The following UNC13C variants were observed in gnomAD, a reference collection of about 807,000 sequenced individuals.
UNC13C encodes protein unc-13 homolog C.
In UNC13C, 174 loss-of-function variants were observed where a neutral mutation model predicts 245.4. The ratio of observed to expected loss-of-function variants is 0.71; its 90% CI spans 0.63 to 0.80. The LOEUF (loss-of-function observed/expected upper bound fraction) is 0.80, where lower values mean the gene tolerates loss of function less well. Ranked by LOEUF, UNC13C falls within the 30% of genes least tolerant of loss-of-function variation. UNC13C has a pLI of 0.00. For missense variants in UNC13C, 2,829 were observed against 2,602.9 expected (o/e 1.09, Z -1.89); for synonymous variants, 992 against 895.1 (o/e 1.11, Z -1.93).
chr15:54,630,833 A>T (rs1158269675), downstream of UNC13C: 1 of 152,096 alleles, frequency 6.6e-6, no homozygotes, highest in African/African-American at 2.4e-5. Context: ...TAAATAATAT[A>T]TATTTAAAAG....
chr15:53,888,375 T>C, the UNC13C span, among the ~76,000 whole-genome samples: 2 of 152,374 alleles, frequency 1.3e-5, no homozygotes, highest in East Asian at 3.9e-4. Flanking sequence ...TCTGTTCATA[T>C]GCTTTGCCCA....
chr15:54,260,696 T>C (rs2036401200), intron 8 of UNC13C, among the ~76,000 whole-genome samples: 2 of 147,364 alleles, frequency 1.4e-5, no homozygotes, highest in Admixed American at 6.8e-5. Flanking sequence ...AAAGAAGTTA[T>C]ATATAGTCAT....
chr15:54,417,512 A>G (rs566281356), intron 19 of UNC13C, among the ~76,000 whole-genome samples: 1 of 152,160 alleles, frequency 6.6e-6, no homozygotes, highest in African/African-American at 2.4e-5. Flanking sequence ...TTTAAAACTT[A>G]CTCTAAATCT....
chr15:53,896,326 G>T, the UNC13C span, among the ~76,000 whole-genome samples: 866 of 152,198 alleles, frequency 5.7e-3, 51 homozygotes, highest in East Asian at 0.13. Flanking sequence ...ATAATGAATT[G>T]TGCCACAGTC....
chr15:54,628,546 T>C lies in UNC13C; in HGVS notation c.*1433T>C, dbSNP rs1306386918. 2 of 152,616 alleles carry C rather than the reference T, an allele frequency of 1.3e-5. No individual in the cohort carries two copies. The highest frequency in any genetic ancestry group is 2.9e-5 in the Non-Finnish European group (2 of 68,032). 9.5% of individuals were successfully genotyped at this position (152,616 alleles called of 1,614,324 possible). A position where few individuals can be genotyped will look rare whatever the true frequency, so the allele number is the denominator to read the frequency against. On this transcript the variant is annotated 3_prime_UTR_variant, in exon 33 of 33. Coordinates refer to ENST00000260323, the MANE Select transcript of UNC13C (RefSeq NM_001080534.3). ...TTTGTTAATGACTCCTCTAAATGCA[T>C]AGTGTGATGCGATCCTCTGGCATAT...
At chr15:54,050,484 A>G (rs927590830) in intron 2 of UNC13C, 3 of 541,052 alleles carry the variant, frequency 5.5e-6, no homozygotes, top group Non-Finnish European at 1.1e-5. Flanking sequence ...TCTTTGACCA[A>G]ATTTTTATTT....
At chr15:53,983,715 A>C (rs1894016067) in intron 1 of UNC13C, among the ~76,000 whole-genome samples, 1 of 150,616 alleles carries the variant, frequency 6.6e-6, no homozygotes, top group African/African-American at 2.4e-5. Context: ...CTCTCTTTCT[A>C]CTTTTTGTCT....
chr15:54,232,132 T>C (rs1176462010), intron 4 of UNC13C, among the ~76,000 whole-genome samples: 3 of 152,126 alleles, frequency 2.0e-5, no homozygotes. Context: ...TATTATTACT[T>C]GATGGATAGG....
In UNC13C at chr15:54,546,766, G is replaced by A. The variant is rs1399899124; in HGVS notation, c.5741G>A (p.Arg1914Gln). The part of the protein sequence containing the change: ...AKICEKTVLK[R>Q]VLKELWKLVL... Reference sequence around the variant, plus strand: ...ATCTGTGAGAAAACAGTCCTAAAGCGAGTTTTAAAAGAGTTATGGAAGCTA... The same window carrying A: ...ATCTGTGAGAAAACAGTCCTAAAGCAAGTTTTAAAAGAGTTATGGAAGCTA... Residue 1914 changes from arginine to glutamine, a missense_variant, in exon 27 of 33, where the codon CGA (arginine) becomes CAA (glutamine). Coordinates refer to ENST00000260323, the MANE Select transcript of UNC13C (RefSeq NM_001080534.3). 11 of 1,550,776 alleles carry A rather than the reference G, an allele frequency of 7.1e-6. No homozygotes were observed. The highest frequency in any genetic ancestry group is 1.7e-4 in the Middle Eastern group (1 of 5,944).
At chr15:54,165,491 C>G (rs1301117179) in intron 4 of UNC13C, among the ~76,000 whole-genome samples, 1 of 152,086 alleles carries the variant, frequency 6.6e-6, no homozygotes, top group Non-Finnish European at 1.5e-5. Context: ...TAAGGCCACA[C>G]AGTGAGTAAA....
At chr15:54,621,789 C>G (rs1253430138) in intron 30 of UNC13C, among the ~76,000 whole-genome samples, 1 of 152,124 alleles carries the variant, frequency 6.6e-6, no homozygotes, top group South Asian at 2.1e-4. Flanking sequence ...AGTTTAACCC[C>G]TGACTAATCT....
intron 26 of UNC13C, among the ~76,000 whole-genome samples, chr15:54,544,427 G>C (rs1008580174): frequency 6.6e-6 from 1 of 152,118 alleles, no homozygotes; most frequent in Admixed American, 6.5e-5. Context: ...GTTTAACATA[G>C]TATTGGAAGT....
chr15:54,489,051 T>G (rs1445777275), intron 19 of UNC13C, among the ~76,000 whole-genome samples: 3 of 152,152 alleles, frequency 2.0e-5, no homozygotes, highest in African/African-American at 7.2e-5. Flanking sequence ...TATCTTACAT[T>G]GATTATTTGG....
chr15:54,044,789 G>C (rs534988538), intron 2 of UNC13C, among the ~76,000 whole-genome samples: 2 of 152,064 alleles, frequency 1.3e-5, no homozygotes, highest in Admixed American at 1.3e-4. Flanking sequence ...CCATCATCTC[G>C]TGTAGCTGCT....
At chr15:54,399,493 C>G (rs545407843) in intron 18 of UNC13C, among the ~76,000 whole-genome samples, 142 of 151,880 alleles carry the variant, frequency 9.3e-4, no homozygotes, top group Non-Finnish European at 9.7e-4. Context: ...GCAGAAATAT[C>G]TTTCATCCAT....
At chr15:54,623,570 T>C (rs964906471) in intron 31 of UNC13C, among the ~76,000 whole-genome samples, 1 of 152,216 alleles carries the variant, frequency 6.6e-6, no homozygotes, top group African/African-American at 2.4e-5. Flanking sequence ...ATCATTTTAA[T>C]TGCAGCTAAC....
intron 19 of UNC13C, among the ~76,000 whole-genome samples, chr15:54,451,699 G>A (rs1422120248): frequency 1.3e-5 from 2 of 151,946 alleles, no homozygotes; most frequent in African/African-American, 2.4e-5. Flanking sequence ...TATCTGTATT[G>A]TGTTGTTCCT....
chr15:54,038,124 A>ATAAAAATTTTTTTTTTTTTTTTTTT lies in UNC13C; in HGVS notation c.2983+22239_2983+22240insAAAAATTTTTTTTTTTTTTTTTTTT. 3.6e-3 allele frequency among the ~76,000 whole-genome samples: 163 copies of ATAAAAATTTTTTTTTTTTTTTTTTT among 45,026 alleles called. 16 individuals carry two copies. The highest frequency in any genetic ancestry group is 0.017 in the African/African-American group (157 of 9,444). 29.5% of individuals were successfully genotyped at this position (45,026 alleles called of 152,430 possible). ...CATATATATATATATATATATATAT[A>ATAAAAATTTTTTTTTTTTTTTTTTT]TTTTTTTTTTTTTTTTCCTGAGACA... On this transcript the variant is annotated intron_variant, in intron 2 of 32. Coordinates refer to ENST00000260323, the MANE Select transcript of UNC13C (RefSeq NM_001080534.3).
At chr15:54,576,458 C>T (rs1596600276) in intron 30 of UNC13C, among the ~76,000 whole-genome samples, 1 of 152,168 alleles carries the variant, frequency 6.6e-6, no homozygotes, top group East Asian at 1.9e-4. Context: ...TTCATGTTGG[C>T]AATAAATCCC....
Sources: allele counts gnomAD v4.1 joint callset (sites outside exome capture counted in the v4.1 genomes callset), GRCh38; gene constraint gnomAD v4.1.1; transcripts MANE v1.5; gene names NCBI Gene and HGNC (gene_info 2026-07-23, HGNC 2026-07-21).